The following FN1 variants were observed in gnomAD, a reference collection of about 807,000 sequenced individuals.
FN1 encodes fibronectin.
In FN1, 106 loss-of-function variants were observed where a neutral mutation model predicts 297.3. That is an observed-to-expected ratio of 0.36 (90% confidence interval 0.30 to 0.42). The LOEUF (loss-of-function observed/expected upper bound fraction) is 0.42, where lower values mean the gene tolerates loss of function less well. Among genes scored for constraint, FN1 ranks in the 10% least tolerant of loss-of-function variants. The pLI is 1.00. For synonymous variants in FN1, 1,149 were observed against 1,152.6 expected, an observed-to-expected ratio of 1.00 and a Z score of 0.06; for missense variants, 2,690 against 3,124.9, an observed-to-expected ratio of 0.86 and a Z score of 3.32.
At chr2:215,435,528 G>T in intron 1 of FN1, 127 bp downstream of exon 1, 1 of 1,376,164 alleles carries the variant, frequency 7.3e-7, no homozygotes, top group Non-Finnish European at 1.0e-6. Context: ...GTGCACAGCT[G>T]GTTTCTCTCA....
chr2:215,428,400 C>T, intron 5 of FN1, 62 bp from the exon 6 acceptor site: 1 of 1,477,080 alleles, frequency 6.8e-7, no homozygotes, highest in Non-Finnish European at 9.4e-7. Flanking sequence ...TCAATTCAAA[C>T]TTAAAAAAGG....
intron 6 of FN1, among the ~76,000 whole-genome samples, chr2:215,426,114 C>A (rs538105481): frequency 6.6e-6 from 1 of 151,358 alleles, no homozygotes; most frequent in Non-Finnish European, 1.5e-5. Context: ...CAGAATAACA[C>A]AACAGGATGT....
chr2:215,391,829 G>A lies in FN1; in HGVS notation c.4070-15C>T. 2 of 1,612,570 alleles carry A rather than the reference G, an allele frequency of 1.2e-6. No individual in the cohort carries two copies. Among genetic ancestry groups the A allele is most frequent in the Non-Finnish European group, 1.7e-6 (2 of 1,178,584 alleles). The stretch of plus-strand genomic sequence containing the variant: ...AGGAGGAACAGCTGGTTTCGAACAA[G>A]AAGGAAGACTCAGTTAATGTAATTT... On this transcript the variant is annotated splice_polypyrimidine_tract_variant and intron_variant, in intron 25 of 45. Transcript: ENST00000354785.
rs762268562 is a variant in FN1 at position 215,375,679 on chromosome 2, G to A, written c.5927C>T (p.Thr1976Ile). ...GGAGCTCCGAGCATTGTCATTCAAGGTGTACAGGTAGATCTTGTAGTCAGT... is the reference window on the plus strand; with the variant it reads ...GGAGCTCCGAGCATTGTCATTCAAGATGTACAGGTAGATCTTGTAGTCAGT... ...PGTDYKIYLY[T>I]LNDNARSSPV... The change falls in exon 37 of 46, where the codon ACC becomes ATC. Residue 1976 changes from threonine to isoleucine, a missense_variant. Around this residue, in one of 3 missense-constraint regions of FN1, gnomAD observed 1,743 missense variants for 1,945.2 expected, o/e 0.90. Transcript: ENST00000354785. The A allele has an allele frequency of 2.5e-6, 4 of 1,613,056 alleles. No individual in the cohort carries two copies. The highest frequency in any genetic ancestry group is 1.1e-5 in the South Asian group (1 of 91,052).
At chr2:215,395,101 A>G (rs1377476523) in intron 23 of FN1, among the ~76,000 whole-genome samples, 1 of 152,152 alleles carries the variant, frequency 6.6e-6, no homozygotes, top group Non-Finnish European at 1.5e-5. Context: ...TCCTTAATGA[A>G]TCATTTGAAG....
chr2:215,364,842 A>G, intron 44 of FN1, 37 bp downstream of exon 44: 1 of 1,403,738 alleles, frequency 7.1e-7, no homozygotes, highest in South Asian at 1.2e-5. Flanking sequence ...CCTTTATCTT[A>G]TCTAACTTGT....
chr2:215,392,153 A>G (rs2059781137), intron 25 of FN1: 1 of 308,992 alleles, frequency 3.2e-6, no homozygotes, highest in South Asian at 3.2e-5. Context: ...CCACACAGCA[A>G]AGAGAAACAT....
chr2:215,379,181 T>C lies in FN1; in HGVS notation c.5571A>G (p.Lys1857=), dbSNP rs1481934675. 2 of 1,614,150 alleles carry C rather than the reference T, an allele frequency of 1.2e-6. No individual in the cohort carries two copies. The highest frequency in any genetic ancestry group is 4.5e-5 in the East Asian group (2 of 44,870). The change falls in exon 34 of 46, where the codon AAA becomes AAG. Residue 1857 remains lysine (K), a synonymous_variant. Transcript: ENST00000354785. ...AGCTGTCAGGAGCAAGGTTGATTTC[T>C]TTCATTGGTCCGGTCTTCTCCTTGG... ...VTPKEKTGPM[K]EINLAPDSSS... is the part of the protein sequence containing the mutation.
At chr2:215,384,802 G>A in intron 29 of FN1, 58 bp downstream of exon 29, 1 of 1,196,514 alleles carries the variant, frequency 8.4e-7, no homozygotes. Flanking sequence ...GGGCTTTCAG[G>A]TTATCCACAA....
chr2:215,383,940 G>A (rs1029739801), intron 30 of FN1, 80 bp downstream of exon 30: 4 of 1,506,810 alleles, frequency 2.7e-6, no homozygotes, highest in Non-Finnish European at 3.7e-6. Context: ...TCTACAATTA[G>A]AAAAATACCT....
chr2:215,375,583 A>G, intron 37 of FN1, 46 bp downstream of exon 37: 2 of 1,389,218 alleles, frequency 1.4e-6, no homozygotes, highest in Non-Finnish European at 2.1e-6. Context: ...CATGAAACTG[A>G]TTGCATACAA....
intron 35 of FN1, among the ~76,000 whole-genome samples, chr2:215,377,191 C>T (rs1424399328): frequency 6.6e-6 from 1 of 152,014 alleles, no homozygotes; most frequent in Non-Finnish European, 1.5e-5. Flanking sequence ...AAAACTTTGA[C>T]ACTTTACCTG....
At chr2:215,391,878 C>A in intron 25 of FN1, 64 bp from the exon 26 acceptor site, 1 of 1,436,506 alleles carries the variant, frequency 7.0e-7, no homozygotes, top group Non-Finnish European at 9.8e-7. Flanking sequence ...AACGAAGTAG[C>A]TGGAAAGGTA....
At chr2:215,366,722 AC>A (rs2054684390) in intron 42 of FN1, among the ~76,000 whole-genome samples, 1 of 152,240 alleles carries the variant, frequency 6.6e-6, no homozygotes, top group Non-Finnish European at 1.5e-5. Flanking sequence ...TGATATCAAA[AC>A]AAAGATTATG....
chr2:215,384,799 C>T (rs1462258980), intron 29 of FN1, 61 bp downstream of exon 29: 1 of 1,168,492 alleles, frequency 8.6e-7, no homozygotes, highest in Non-Finnish European at 1.3e-6. Flanking sequence ...GTTGGGCTTT[C>T]AGGTTATCCA....
chr2:215,387,282 G>A (rs546157789), intron 27 of FN1, among the ~76,000 whole-genome samples: 7 of 152,282 alleles, frequency 4.6e-5, no homozygotes, highest in Non-Finnish European at 7.3e-5. Flanking sequence ...GATCTTCTGA[G>A]AATTGACATT....
chr2:215,378,214 T>A lies in FN1; in HGVS notation c.5671A>T (p.Thr1891Ser). The change falls in exon 35 of 46, where the codon ACA becomes TCA. Residue 1891 changes from threonine to serine, a missense_variant. Thr to Ser is a moderately conservative substitution (Grantham distance 58, BLOSUM62 1). Coordinates refer to ENST00000354785, the MANE Select transcript of FN1 (RefSeq NM_212482.4). ...ACAACTCCCTGAGCTGGTCTGCTTG[T>A]CAAAGTGTCCTTAAGAGCATAGACA... ...VSVYALKDTL[T>S]SRPAQGVVTT... 1 of 1,612,506 alleles carries A rather than the reference T, an allele frequency of 6.2e-7. No homozygotes were observed.
chr2:215,402,801 T>G (rs1449730597), intron 20 of FN1, among the ~76,000 whole-genome samples: 1 of 152,202 alleles, frequency 6.6e-6, no homozygotes, highest in Non-Finnish European at 1.5e-5. Context: ...TTAAAATCAT[T>G]ATATTTTATA....
At position 215,364,917 on chromosome 2, in the gene FN1, C is replaced by T. The variant is rs1314375736; in HGVS notation, c.7213G>A (p.Gly2405Ser). 5.1e-6 allele frequency: 8 copies of T among 1,572,624 alleles called. No homozygotes were observed. Among genetic ancestry groups the T allele is most frequent in the Admixed American group, 1.9e-5 (1 of 54,006 alleles). The change falls in exon 44 of 46, where the codon GGT (glycine) becomes AGT (serine). Residue 2405 changes from glycine (G) to serine (S), a missense_variant. Gly to Ser is a moderately conservative substitution (Grantham distance 56). Transcript: ENST00000354785. ...VGEQWQKEYLGAICSCTCFGG... is the reference protein window; with the variant it reads ...VGEQWQKEYLSAICSCTCFGG... The stretch of plus-strand genomic sequence containing the variant: ...AAGCATGTGCAGGAGCAAATGGCAC[C>T]GAGATATTCCTTCTGCCACTGTTCT...
Sources: gnomAD v4.1 joint callset for allele counts (sites outside exome capture counted in the v4.1 genomes callset) on GRCh38, gnomAD v4.1.1 for gene constraint, gnomAD v4.1.1 regional missense constraint, MANE v1.5 for transcripts, NCBI Gene and HGNC (gene_info 2026-07-23, HGNC 2026-07-21) for gene names.